Variants in SPRYD3 observed in about 807,000 individuals in gnomAD.
SPRYD3 encodes SPRY domain containing 3.
A neutral mutation model predicts 50.1 loss-of-function variants in SPRYD3; 17 were observed. That is an observed-to-expected ratio of 0.34 (90% CI 0.23 to 0.51). The LOEUF is 0.51. Ranked by LOEUF, SPRYD3 falls within the 20% of genes least tolerant of loss-of-function variation. SPRYD3 has a pLI of 0.97. For synonymous variants in SPRYD3, 198 were observed against 215.5 expected (o/e 0.92, Z 0.71); for missense variants, 401 against 591.2 (o/e 0.68, Z 3.34).
rs954835439 is a variant in SPRYD3, at chr12:53,074,169, G to A, written c.507+480C>T. Reference sequence around the variant, plus strand: ...GAGCTGTGTGTCTCTCTCTACTATTGGCTCCTGTCCCATCTCCTCACCACG... The same window carrying A: ...GAGCTGTGTGTCTCTCTCTACTATTAGCTCCTGTCCCATCTCCTCACCACG... On this transcript the variant is annotated intron_variant, in intron 5 of 10. Coordinates refer to ENST00000301463, the MANE Select transcript of SPRYD3 (RefSeq NM_032840.3). This position sits in a 1 kb window ranked among gnomAD's most constrained non-coding sequence, Gnocchi z 4.6. Among the ~76,000 whole-genome samples, 6 of 152,148 alleles carry A rather than the reference G, an allele frequency of 3.9e-5. No individual in the cohort carries two copies. In the South Asian group the frequency reaches 1.2e-3, roughly 31 times the overall value.
chr12:53,065,625 T>A lies in SPRYD3; in HGVS notation c.*207A>T, dbSNP rs1944497742. The A allele has an allele frequency of 1.8e-6, 1 of 562,296 alleles. No homozygotes were observed. 34.8% of individuals were successfully genotyped at this position (562,296 alleles called of 1,614,324 possible). A position where few individuals can be genotyped will look rare whatever the true frequency, so the allele number is the denominator to read the frequency against. On this transcript the variant is annotated 3_prime_UTR_variant, in exon 11 of 11. Coordinates refer to ENST00000301463, the MANE Select transcript of SPRYD3 (RefSeq NM_032840.3). The stretch of plus-strand genomic sequence containing the variant: ...GGTCCATTCCTGTCCAACCAGGGAC[T>A]CAGGCCCAGGGACTGACAACAGTGG...
intron 3 of SPRYD3, among the ~76,000 whole-genome samples, chr12:53,075,499 T>C (rs1944581789): frequency 6.6e-6 from 1 of 151,926 alleles, no homozygotes; most frequent in Non-Finnish European, 1.5e-5. Context: ...GGGATATGGG[T>C]CAAAGTCTAC....
At chr12:53,071,873 G>T (rs1176895888) in intron 6 of SPRYD3, among the ~76,000 whole-genome samples, 5 of 152,132 alleles carry the variant, frequency 3.3e-5, no homozygotes, top group African/African-American at 1.2e-4. Context: ...TGGGGTGAGG[G>T]TCTGAGAGAA....
At chr12:53,075,653 C>T in intron 3 of SPRYD3, 83 bp downstream of exon 3, 1 of 1,111,442 alleles carries the variant, frequency 9.0e-7, no homozygotes. Context: ...CCAGGTCATA[C>T]ATCTAGTAAA....
At chr12:53,077,344 G>A in intron 1 of SPRYD3, 83 bp from the exon 2 acceptor site, 3 of 1,506,648 alleles carry the variant, frequency 2.0e-6, no homozygotes, top group Non-Finnish European at 2.7e-6. Context: ...AGGTAGAGAA[G>A]GCACTGGCCT....
intron 6 of SPRYD3, among the ~76,000 whole-genome samples, chr12:53,072,119 T>A (rs1217857913): frequency 6.6e-6 from 1 of 152,066 alleles, no homozygotes; most frequent in Non-Finnish European, 1.5e-5. Context: ...AGCTGGAACA[T>A]CGCCCTGGCG....
intron 1 of SPRYD3, among the ~76,000 whole-genome samples, chr12:53,078,873 C>A (rs1944610128): frequency 6.6e-6 from 1 of 152,196 alleles, no homozygotes; most frequent in African/African-American, 2.4e-5. Flanking sequence ...GATCCCAATA[C>A]GCAAATTACG....
intron 3 of SPRYD3, 47 bp from the exon 4 acceptor site, chr12:53,075,266 A>C: frequency 1.3e-6 from 2 of 1,574,706 alleles, no homozygotes; most frequent in South Asian, 2.3e-5. Context: ...GGGAAATGGG[A>C]TGAATTGCTG....
intron 1 of SPRYD3, 147 bp downstream of exon 1, chr12:53,079,164 C>G: frequency 1.2e-6 from 1 of 853,540 alleles, no homozygotes; most frequent in Admixed American, 2.5e-5. Flanking sequence ...TGCACTGGGC[C>G]GAGGGTGCAG....
At chr12:53,075,707 C>T in intron 3 of SPRYD3, 29 bp downstream of exon 3, 1 of 1,589,256 alleles carries the variant, frequency 6.3e-7, no homozygotes, top group African/African-American at 1.3e-5. Flanking sequence ...AGCTCACCCC[C>T]TGCTCTGCCC....
At chr12:53,078,626 A>G (rs1944608192) in intron 1 of SPRYD3, among the ~76,000 whole-genome samples, 1 of 152,204 alleles carries the variant, frequency 6.6e-6, no homozygotes, top group South Asian at 2.1e-4. Flanking sequence ...ATGAGAAATG[A>G]CATCCACTAA....
intron 1 of SPRYD3, among the ~76,000 whole-genome samples, chr12:53,078,601 G>T (rs1944607943): frequency 6.6e-6 from 1 of 152,118 alleles, no homozygotes; most frequent in Non-Finnish European, 1.5e-5. Context: ...TTCAGACGTT[G>T]TTGCAGCAGT....
At position 53,075,853 on chromosome 12, in the gene SPRYD3, C is replaced by A. The variant is rs1020051682; in HGVS notation, c.171-42G>T. On this transcript the variant is annotated intron_variant, in intron 2 of 10. Coordinates refer to ENST00000301463, the MANE Select transcript of SPRYD3 (RefSeq NM_032840.3). ...GGGGGAATTCCATTAGCAGCCTAGC[C>A]CAAGAGTAGGGGGAGGGCCTCAGCT... The A allele has an allele frequency of 3.2e-6, 5 of 1,540,928 alleles. No homozygotes were observed. The East Asian group carries it at 1.1e-4, about 35-fold the overall frequency.
At position 53,074,581 on chromosome 12, in the gene SPRYD3, C is replaced by T. The variant is rs1019567754; in HGVS notation, c.507+68G>A. 2.1e-5 allele frequency: 33 copies of T among 1,600,998 alleles called. No homozygotes were observed. The African/African-American group carries it at 4.1e-4, about 20-fold the overall frequency. On this transcript the variant is annotated intron_variant, in intron 5 of 10. Transcript: ENST00000301463. This position sits in a 1 kb window ranked among gnomAD's most constrained non-coding sequence, Gnocchi z 4.6. ...GCAAGCCCCAGCCAGCAGACTCTTC[C>T]TAATCACTCCCCACAAATCCTTGGG...
rs752353696 is a variant in SPRYD3 at position 53,075,792 on chromosome 12, C to T, written c.190G>A (p.Glu64Lys). The T allele has an allele frequency of 6.2e-6, 10 of 1,613,902 alleles. No homozygotes were observed. Among genetic ancestry groups the T allele is most frequent in the Non-Finnish European group, 8.5e-6 (10 of 1,179,958 alleles). ...DTLSYHGNSG[E>K]VGCYVASRPL... ...CGAGAAGCCACGTAGCAGCCAACTT[C>T]ACCAGAGTTTCCATGATAACTGAAG... Residue 64 changes from glutamate (E) to lysine (K), a missense_variant, in exon 3 of 11, where the codon GAA becomes AAA. Glu to Lys is a moderately conservative substitution (Grantham distance 56). Coordinates refer to ENST00000301463, the MANE Select transcript of SPRYD3 (RefSeq NM_032840.3).
At position 53,068,271 on chromosome 12, in the gene SPRYD3, C is replaced by T. The variant is rs1266902356; in HGVS notation, c.727G>A (p.Val243Met). The stretch of plus-strand genomic sequence containing the variant: ...CGGGCCTGGGCCAGCCCCACATCCA[C>T]GATGCTTTTGCCCTTCCCTAAGTAC... ...LEYLGKGKSI[V>M]DVGLAQARHP... Residue 243 changes from valine to methionine, a missense_variant, in exon 7 of 11, where the codon GTG (valine) becomes ATG (methionine). Val to Met is a conservative substitution (Grantham distance 21). Coordinates refer to ENST00000301463, the MANE Select transcript of SPRYD3 (RefSeq NM_032840.3). The T allele has an allele frequency of 5.0e-6, 8 of 1,614,080 alleles. No individual in the cohort carries two copies. The highest frequency in any genetic ancestry group is 1.7e-5 in the Admixed American group (1 of 60,012).
chr12:53,067,746 T>C (rs1466562579), intron 7 of SPRYD3, 41 bp from the exon 8 acceptor site: 1 of 1,578,966 alleles, frequency 6.3e-7, no homozygotes, highest in African/African-American at 1.3e-5. Context: ...GTCCCATGCA[T>C]AAACAAGACA....
intron 6 of SPRYD3, 31 bp downstream of exon 6, chr12:53,073,255 A>AGCCCCGGGGGGG: frequency 2.6e-6 from 1 of 383,664 alleles, no homozygotes; most frequent in Non-Finnish European, 4.9e-6. Context: ...CCTCCGACCC[A>AGCCCCGGGGGGG]GCCCCTCCCA....
chr12:53,067,925 T>TC (rs1944521742), intron 7 of SPRYD3, among the ~76,000 whole-genome samples: 1 of 151,056 alleles, frequency 6.6e-6, no homozygotes, highest in South Asian at 2.1e-4. Flanking sequence ...TCCCACCCCC[T>TC]CCCCCCAGGC....
Sources: allele counts gnomAD v4.1 joint callset (sites outside exome capture counted in the v4.1 genomes callset), GRCh38; gene constraint gnomAD v4.1.1; non-coding constraint Gnocchi (gnomAD v3.1); transcripts MANE v1.5; gene names NCBI Gene and HGNC (gene_info 2026-07-23, HGNC 2026-07-21).